The following C17orf67 variants were observed in gnomAD, a reference collection of about 807,000 sequenced individuals.
C17orf67 encodes chromosome 17 open reading frame 67.
C17orf67 carries 12 observed loss-of-function variants against 11.2 expected under a neutral mutation model. That is an observed-to-expected ratio of 1.07 (90% CI 0.68 to 1.73). The LOEUF (loss-of-function observed/expected upper bound fraction) is 1.73, where lower values mean the gene tolerates loss of function less well. C17orf67 is among the 40% of genes most tolerant of loss of function. C17orf67 has a pLI of 0.00. For missense variants in C17orf67, 115 were observed against 113.5 expected (o/e 1.01, Z -0.06); for synonymous variants, 59 against 46.9 (o/e 1.26, Z -1.05).
intron 6 of C17orf67, among the ~76,000 whole-genome samples, chr17:56,804,904 C>T (rs1190346094): frequency 6.6e-6 from 1 of 152,018 alleles, no homozygotes; most frequent in African/African-American, 2.4e-5. Context: ...CTAAGTGAGG[C>T]GATAGAAAAT....
chr17:56,827,985 T>C (rs946306473), intron 2 of C17orf67, among the ~76,000 whole-genome samples: 2 of 151,744 alleles, frequency 1.3e-5, no homozygotes, highest in African/African-American at 2.4e-5. Context: ...GGCAGGCGGA[T>C]CGCGAGATCA....
rs114290954 is a variant in C17orf67 at position 56,830,918 on chromosome 17, G to C, written c.-557+1980C>G. On this transcript the variant is annotated intron_variant, in intron 2 of 7. Transcript: ENST00000397861. ...ATAGGGAAGAACTTTGTAGGAAAAG[G>C]GGGTAGAACTGACAATAGCCCTGAA... Among the ~76,000 whole-genome samples, 1,338 of 152,306 alleles carry C rather than the reference G, an allele frequency of 8.8e-3. 21 individuals carry two copies. The highest frequency in any genetic ancestry group is 0.03 in the African/African-American group (1,238 of 41,570).
intron 4 of C17orf67, among the ~76,000 whole-genome samples, chr17:56,820,956 C>A (rs1165240396): frequency 2.0e-5 from 3 of 152,088 alleles, no homozygotes; most frequent in African/African-American, 7.2e-5. Context: ...GTCGCCCAGG[C>A]TGGAGTGCAG....
chr17:56,804,766 G>GAAGACATTCAAGCTTTATTCAAGCTTC (rs1905405552), intron 6 of C17orf67, among the ~76,000 whole-genome samples: 1 of 152,172 alleles, frequency 6.6e-6, no homozygotes, highest in African/African-American at 2.4e-5. Flanking sequence ...ATTTAAGCTT[G>GAAGACATTCAAGCTTTATTCAAGCTTC]AAGACATTCA....
chr17:56,809,538 CCCCTCACACACA>C (rs1416572503), intron 6 of C17orf67, among the ~76,000 whole-genome samples: 3 of 146,196 alleles, frequency 2.1e-5, no homozygotes, highest in Admixed American at 6.8e-5. Flanking sequence ...CTCACGTACA[CCCCTCACACACA>C]CCCTCACACA....
chr17:56,795,296 G>T, intron 6 of C17orf67, 116 bp from the exon 7 acceptor site: 1 of 897,186 alleles, frequency 1.1e-6, no homozygotes, highest in Non-Finnish European at 1.8e-6. Flanking sequence ...CAGGCAGGGA[G>T]AAGAAATCAA....
At chr17:56,808,334 A>G (rs1202614652) in intron 6 of C17orf67, among the ~76,000 whole-genome samples, 1 of 152,236 alleles carries the variant, frequency 6.6e-6, no homozygotes, top group Non-Finnish European at 1.5e-5. Flanking sequence ...CAGAGTTACC[A>G]TAAAATAAAT....
At chr17:56,819,588 G>T (rs1597997401) in intron 4 of C17orf67, among the ~76,000 whole-genome samples, 1 of 152,166 alleles carries the variant, frequency 6.6e-6, no homozygotes, top group Admixed American at 6.5e-5. Context: ...AGTCTCGGGT[G>T]GGGAGGGCCG....
At chr17:56,810,867 A>G (rs1905606006) in intron 6 of C17orf67, among the ~76,000 whole-genome samples, 1 of 152,244 alleles carries the variant, frequency 6.6e-6, no homozygotes, top group Admixed American at 6.5e-5. Context: ...AATGCAGTAA[A>G]TTACCTCTTT....
chr17:56,802,155 C>T (rs1421403469), intron 6 of C17orf67, among the ~76,000 whole-genome samples: 1 of 152,152 alleles, frequency 6.6e-6, no homozygotes, highest in Non-Finnish European at 1.5e-5. Context: ...GTCTGTCTCC[C>T]TTTTCGCCTG....
intron 7 of C17orf67, among the ~76,000 whole-genome samples, chr17:56,793,305 G>T (rs1470036316): frequency 6.6e-6 from 1 of 152,042 alleles, no homozygotes; most frequent in Non-Finnish European, 1.5e-5. Flanking sequence ...AAGGCTGTCT[G>T]ACTCCCAATT....
At chr17:56,813,310 C>G (rs1322879502) in intron 6 of C17orf67, among the ~76,000 whole-genome samples, 3 of 151,972 alleles carry the variant, frequency 2.0e-5, no homozygotes, top group African/African-American at 7.3e-5. Context: ...CCCAGCCCCT[C>G]CTATGCCTCC....
intron 6 of C17orf67, among the ~76,000 whole-genome samples, chr17:56,803,408 T>C (rs1183497935): frequency 6.6e-6 from 1 of 152,246 alleles, no homozygotes; most frequent in Non-Finnish European, 1.5e-5. Context: ...CTGGTGATAT[T>C]AACGAATGTC....
intron 6 of C17orf67, among the ~76,000 whole-genome samples, chr17:56,804,839 T>C (rs1358729019): frequency 1.3e-5 from 2 of 152,132 alleles, no homozygotes; most frequent in Non-Finnish European, 2.9e-5. Flanking sequence ...ACCCGAGCAA[T>C]TGGCAAACAA....
intron 6 of C17orf67, among the ~76,000 whole-genome samples, chr17:56,811,475 G>A (rs771202632): frequency 6.6e-6 from 1 of 152,058 alleles, no homozygotes; most frequent in Admixed American, 6.6e-5. Context: ...GTTGGAGCTC[G>A]AGACTCTCTT....
Position 56,802,329 on chromosome 17 carries a change from G to C in C17orf67, c.157-7149C>G, listed in dbSNP as rs115170856. On this transcript the variant is annotated intron_variant, in intron 6 of 7. Transcript: ENST00000397861. The stretch of plus-strand genomic sequence containing the variant: ...CACCAAGGAGTCACAGCCACACCAA[G>C]CATAAATACAATCTCAAAAGAAATC... Among the ~76,000 whole-genome samples, 882 of 152,242 alleles carry C rather than the reference G, an allele frequency of 5.8e-3. 3 individuals are homozygous for C. The highest frequency in any genetic ancestry group is 0.02 in the African/African-American group (837 of 41,536).
At chr17:56,803,267 C>T (rs1482281244) in intron 6 of C17orf67, among the ~76,000 whole-genome samples, 1 of 152,194 alleles carries the variant, frequency 6.6e-6, no homozygotes, top group Non-Finnish European at 1.5e-5. Context: ...GTGAGCCTGT[C>T]ACCTCAAGAA....
chr17:56,820,462 G>A (rs72837363), intron 4 of C17orf67, among the ~76,000 whole-genome samples: 15,809 of 152,014 alleles, frequency 0.1, 1,019 homozygotes, highest in South Asian at 0.15. Flanking sequence ...ACTCACGCGG[G>A]GACAATTCAG....
rs563073190 is a variant in C17orf67 at position 56,807,515 on chromosome 17, G to A, written c.156+7354C>T. On this transcript the variant is annotated intron_variant, in intron 6 of 7. Coordinates refer to ENST00000397861, the MANE Select transcript of C17orf67 (RefSeq NM_001085430.4). ...TCTGACGGGATCCCAGGTAAGGCCC[G>A]TGCAGCCCAGCTGGGGATCATATTT... is the stretch of plus-strand genomic sequence containing the variant. 3.5e-4 allele frequency among the ~76,000 whole-genome samples: 54 copies of A among 152,254 alleles called. 1 individual carries two copies. Among genetic ancestry groups the A allele is most frequent in the South Asian group, 6.2e-4 (3 of 4,828 alleles).
Sources: allele counts gnomAD v4.1 joint callset (sites outside exome capture counted in the v4.1 genomes callset), GRCh38; gene constraint gnomAD v4.1.1; transcripts MANE v1.5; gene names NCBI Gene and HGNC (gene_info 2026-07-23, HGNC 2026-07-21).